Variants in ATF7 observed in about 807,000 individuals in gnomAD.
The protein encoded by ATF7 is cyclic AMP-dependent transcription factor ATF-7.
A neutral mutation model predicts 50.4 loss-of-function variants in ATF7; 10 were observed. The ratio of observed to expected loss-of-function variants is 0.20; its 90% CI spans 0.12 to 0.34. ATF7 has a LOEUF of 0.34. ATF7 is among the 10% of genes least tolerant of loss of function. ATF7 has a pLI of 1.00. For missense variants in ATF7, 465 were observed against 613.9 expected (o/e 0.76, Z 2.56); for synonymous variants, 201 against 226.4 (o/e 0.89, Z 1.01).
At chr12:53,608,633 T>A (rs889868770) in intron 1 of ATF7, among the ~76,000 whole-genome samples, 2 of 152,158 alleles carry the variant, frequency 1.3e-5, no homozygotes, top group Non-Finnish European at 2.9e-5. Flanking sequence ...TTCAGCTCAG[T>A]ACAAACTAGC....
intron 2 of ATF7, among the ~76,000 whole-genome samples, chr12:53,587,540 A>T (rs1942748162): frequency 6.7e-6 from 1 of 150,342 alleles, no homozygotes; most frequent in Non-Finnish European, 1.5e-5. Context: ...GCTGGTTCAC[A>T]CCTGTAGTCT....
intron 3 of ATF7, among the ~76,000 whole-genome samples, chr12:53,548,803 C>A (rs1940118307): frequency 6.6e-6 from 1 of 152,082 alleles, no homozygotes; most frequent in Non-Finnish European, 1.5e-5. Flanking sequence ...GGGAACAAAG[C>A]TAGAACCCAT....
intron 3 of ATF7, among the ~76,000 whole-genome samples, chr12:53,548,545 C>T (rs1273420375): frequency 6.6e-6 from 1 of 152,058 alleles, no homozygotes; most frequent in African/African-American, 2.4e-5. Flanking sequence ...GTTGCCCAGG[C>T]TGGCCTCTAA....
At chr12:53,564,192 T>C (rs750725132) in intron 2 of ATF7, among the ~76,000 whole-genome samples, 20 of 152,206 alleles carry the variant, frequency 1.3e-4, no homozygotes, top group Non-Finnish European at 2.1e-4. Flanking sequence ...CTGGCCAACA[T>C]GGCAAAACCC....
chr12:53,509,128 G>C (rs766579748), downstream of ATF7, among the ~76,000 whole-genome samples: 2 of 152,156 alleles, frequency 1.3e-5, no homozygotes, highest in Non-Finnish European at 1.5e-5. Context: ...CTTGGCCTCT[G>C]CTTGAGCAAG....
At chr12:53,537,284 G>T in intron 5 of ATF7, 131 bp downstream of exon 5, 1 of 1,161,620 alleles carries the variant, frequency 8.6e-7, no homozygotes, top group Non-Finnish European at 1.2e-6. Context: ...GCCCAGGCTG[G>T]TCTTGAATTT....
intron 2 of ATF7, chr12:53,574,920 T>C: frequency 3.6e-6 from 1 of 280,486 alleles, no homozygotes; most frequent in South Asian, 4.1e-5. Context: ...AGTCAGAAAA[T>C]AAAGTTACTC....
At chr12:53,511,100 C>G (rs574457736), downstream of ATF7, among the ~76,000 whole-genome samples, 1 of 152,342 alleles carries the variant, frequency 6.6e-6, no homozygotes, top group African/African-American at 2.4e-5. Context: ...CCTGCTATCT[C>G]TTTTGTCAAA....
chr12:53,531,057 G>A (rs1368651929), intron 9 of ATF7, among the ~76,000 whole-genome samples: 1 of 152,136 alleles, frequency 6.6e-6, no homozygotes, highest in Non-Finnish European at 1.5e-5. Flanking sequence ...TTTGTTTACT[G>A]TGTGGCTTGA....
intron 2 of ATF7, among the ~76,000 whole-genome samples, chr12:53,560,483 G>A (rs994215542): frequency 6.6e-6 from 1 of 152,078 alleles, no homozygotes; most frequent in Non-Finnish European, 1.5e-5. Flanking sequence ...ACAAGCATAC[G>A]GGGATTAGGA....
chr12:53,543,429 A>C lies in ATF7; in HGVS notation c.165T>G (p.Thr55=). 1 of 1,598,370 alleles carries C rather than the reference A, an allele frequency of 6.3e-7. No individual in the cohort carries two copies. The highest frequency in any genetic ancestry group is 1.3e-5 in the African/African-American group (1 of 74,850). The change falls in exon 4 of 12, where the codon ACT becomes ACG. Residue 55 remains threonine, a synonymous_variant. Coordinates refer to ENST00000420353, the MANE Select transcript of ATF7 (RefSeq NM_006856.3). ...VIIADQTPTP[T]RFLKNCEEVG... ...CCTCCTCACAGTTCTTCAGGAATCT[A>C]GTTGGAGTAGGCGTTTGATCTGTAG...
intron 2 of ATF7, among the ~76,000 whole-genome samples, chr12:53,598,750 G>A (rs765508764): frequency 6.6e-6 from 1 of 152,174 alleles, no homozygotes; most frequent in African/African-American, 2.4e-5. Flanking sequence ...GAGCTTAAGA[G>A]ATGCTTTTCT....
chr12:53,554,342 G>A (rs773237767), intron 2 of ATF7, among the ~76,000 whole-genome samples: 3 of 151,534 alleles, frequency 2.0e-5, no homozygotes, highest in Non-Finnish European at 4.4e-5. Context: ...TATTGGTCAG[G>A]GTGGTCTTGA....
chr12:53,587,869 C>T (rs1366181788), intron 2 of ATF7, among the ~76,000 whole-genome samples: 1 of 69,112 alleles, frequency 1.4e-5, no homozygotes, highest in Non-Finnish European at 3.2e-5. Flanking sequence ...CTTTTTGACA[C>T]GAAGTCTTGC....
At chr12:53,537,892 AAT>A (rs1292121494) in intron 4 of ATF7, among the ~76,000 whole-genome samples, 1 of 151,986 alleles carries the variant, frequency 6.6e-6, no homozygotes, top group African/African-American at 2.4e-5. Context: ...TTTTATTTTT[AAT>A]AGAGATGGGG....
Position 53,587,841 on chromosome 12 carries a change from ATATTT to A in ATF7, c.48+13107_48+13111del, listed in dbSNP as rs1262792154. On this transcript the variant is annotated intron_variant, in intron 2 of 11. Coordinates refer to ENST00000420353, the MANE Select transcript of ATF7 (RefSeq NM_006856.3). The stretch of plus-strand genomic sequence containing the variant: ...TCTACATATATATATATATATATAT[ATATTT>A]TTTTTTTTTTTTCTTTTTGACACGA... Among the ~76,000 whole-genome samples the A allele has an allele frequency of 3.7e-3, 173 of 46,396 alleles. 1 individual carries two copies. Among genetic ancestry groups the A allele is most frequent in the Admixed American group, 8.2e-3 (25 of 3,038 alleles). The allele number at this position is 46,396 out of a possible 152,430, so 30.4% of individuals were successfully genotyped here. A position where few individuals can be genotyped will look rare whatever the true frequency, so the allele number is the denominator to read the frequency against.
At chr12:53,564,313 G>A (rs982030941) in intron 2 of ATF7, among the ~76,000 whole-genome samples, 2 of 152,186 alleles carry the variant, frequency 1.3e-5, no homozygotes, top group Non-Finnish European at 1.5e-5. Flanking sequence ...GAAGTGGAGG[G>A]TGCAGTGAGC....
chr12:53,555,549 C>A (rs1455443651), intron 2 of ATF7, among the ~76,000 whole-genome samples: 3 of 122,982 alleles, frequency 2.4e-5, no homozygotes, highest in Non-Finnish European at 4.7e-5. Flanking sequence ...GTTGCCCAGG[C>A]TGGAGTGCAG....
chr12:53,563,760 T>G (rs1941287501), intron 2 of ATF7, among the ~76,000 whole-genome samples: 1 of 152,250 alleles, frequency 6.6e-6, no homozygotes, highest in South Asian at 2.1e-4. Flanking sequence ...TTTTATATAG[T>G]GACATAAGAG....
Sources: allele counts gnomAD v4.1 joint callset (sites outside exome capture counted in the v4.1 genomes callset), GRCh38; gene constraint gnomAD v4.1.1; transcripts MANE v1.5; gene names NCBI Gene and HGNC (gene_info 2026-07-23, HGNC 2026-07-21).